Variants in CHST11 observed in about 807,000 individuals in gnomAD.
CHST11 encodes C4S-1.
CHST11 carries 9 observed loss-of-function variants against 30.4 expected under a neutral mutation model. The ratio of observed to expected loss-of-function variants is 0.30; its 90% CI spans 0.18 to 0.52. The LOEUF is 0.52. CHST11 is among the 20% of genes least tolerant of loss of function. CHST11 has a pLI of 0.97. For synonymous variants in CHST11, 152 were observed against 187.8 expected (o/e 0.81, Z 1.56); for missense variants, 348 against 460.6 (o/e 0.76, Z 2.24).
chr12:104,686,334 T>A (rs1014364876), intron 2 of CHST11, among the ~76,000 whole-genome samples: 2 of 151,608 alleles, frequency 1.3e-5, no homozygotes, highest in Non-Finnish European at 2.9e-5. Flanking sequence ...AGCGCTTGGC[T>A]GACTGATTCC....
intron 1 of CHST11, among the ~76,000 whole-genome samples, chr12:104,485,532 T>C (rs2081566277): frequency 6.6e-6 from 1 of 152,060 alleles, no homozygotes; most frequent in Admixed American, 6.5e-5. Flanking sequence ...CCGCAGAGGG[T>C]GAACTGGCCA....
chr12:104,559,694 G>A (rs2038494024), intron 1 of CHST11, among the ~76,000 whole-genome samples: 1 of 152,122 alleles, frequency 6.6e-6, no homozygotes, highest in Non-Finnish European at 1.5e-5. Context: ...AGTGAGCCAA[G>A]ATCATATCAT....
At chr12:104,607,874 G>T (rs539338358) in intron 2 of CHST11, among the ~76,000 whole-genome samples, 1 of 152,254 alleles carries the variant, frequency 6.6e-6, no homozygotes, top group East Asian at 1.9e-4. Context: ...TTATAACCTA[G>T]CTTCTCCTTT....
chr12:104,633,024 T>C (rs1340355823), intron 2 of CHST11, among the ~76,000 whole-genome samples: 1 of 152,258 alleles, frequency 6.6e-6, no homozygotes, highest in Non-Finnish European at 1.5e-5. Flanking sequence ...TCTCTCATTT[T>C]TCAGAGCATG....
At chr12:104,540,212 T>C (rs2038273854) in intron 1 of CHST11, among the ~76,000 whole-genome samples, 1 of 152,194 alleles carries the variant, frequency 6.6e-6, no homozygotes, top group Non-Finnish European at 1.5e-5. Context: ...AACCCATGAA[T>C]GTGGAACTCA....
chr12:104,674,542 T>C (rs2039722990), intron 2 of CHST11, among the ~76,000 whole-genome samples: 1 of 152,216 alleles, frequency 6.6e-6, no homozygotes, highest in Admixed American at 6.5e-5. Context: ...ACCCAGGCCC[T>C]CTTGAGTCCA....
intron 1 of CHST11, among the ~76,000 whole-genome samples, chr12:104,491,811 T>G (rs977629947): frequency 2.0e-5 from 3 of 152,074 alleles, no homozygotes; most frequent in African/African-American, 7.2e-5. Flanking sequence ...CACTTCCCAT[T>G]GCACTTGGGT....
intron 2 of CHST11, among the ~76,000 whole-genome samples, chr12:104,658,239 C>T (rs549071671): frequency 6.6e-6 from 1 of 152,358 alleles, no homozygotes; most frequent in South Asian, 2.1e-4. Context: ...TCTCACACTT[C>T]TGGAGGCTGG....
intron 1 of CHST11, among the ~76,000 whole-genome samples, chr12:104,479,228 G>GC (rs1401358874): frequency 6.6e-6 from 1 of 151,754 alleles, no homozygotes; most frequent in African/African-American, 2.4e-5. Flanking sequence ...CAGAGACCAA[G>GC]CACCCTAGCA....
intron 2 of CHST11, among the ~76,000 whole-genome samples, chr12:104,651,356 T>C (rs1315687927): frequency 6.6e-6 from 1 of 152,214 alleles, no homozygotes; most frequent in Non-Finnish European, 1.5e-5. Context: ...GCTGCTTGGA[T>C]GCATATAATG....
At chr12:104,564,882 G>T (rs2038546605) in intron 1 of CHST11, among the ~76,000 whole-genome samples, 3 of 152,226 alleles carry the variant, frequency 2.0e-5, no homozygotes, top group Admixed American at 2.0e-4. Flanking sequence ...AGGCAAGAGA[G>T]TGTGTGCAGG....
chr12:104,709,099 G>A (rs573916096), intron 2 of CHST11, among the ~76,000 whole-genome samples: 1 of 152,340 alleles, frequency 6.6e-6, no homozygotes, highest in South Asian at 2.1e-4. Flanking sequence ...TGCCTTCAGA[G>A]CAAGACAAAG....
chr12:104,641,465 T>C (rs1339544925), intron 2 of CHST11, among the ~76,000 whole-genome samples: 1 of 152,154 alleles, frequency 6.6e-6, no homozygotes, highest in Non-Finnish European at 1.5e-5. Flanking sequence ...CCCCACCTCC[T>C]GCACCCATTC....
chr12:104,748,465 T>C (rs538472793), intron 2 of CHST11, among the ~76,000 whole-genome samples: 1 of 152,002 alleles, frequency 6.6e-6, no homozygotes, highest in South Asian at 2.1e-4. Context: ...ATGAGGACTT[T>C]TGAGTGGGGC....
intron 2 of CHST11, among the ~76,000 whole-genome samples, chr12:104,718,400 C>A (rs1057466294): frequency 6.6e-6 from 1 of 152,156 alleles, no homozygotes; most frequent in African/African-American, 2.4e-5. Context: ...CAGGTGAGGA[C>A]GGAATTTCGT....
intron 2 of CHST11, among the ~76,000 whole-genome samples, chr12:104,645,901 C>T (rs2039424995): frequency 6.6e-6 from 1 of 152,240 alleles, no homozygotes; most frequent in South Asian, 2.1e-4. Flanking sequence ...CTTCCACCCT[C>T]ACCAGCTCTG....
In CHST11 at chr12:104,758,168, G is replaced by A; in HGVS notation, c.*365G>A. The A allele has an allele frequency of 5.7e-6, 1 of 174,266 alleles. No homozygotes were observed. 10.8% of individuals were successfully genotyped at this position (174,266 alleles called of 1,614,324 possible). A position where few individuals can be genotyped will look rare whatever the true frequency, so the allele number is the denominator to read the frequency against. Reference sequence around the variant, plus strand: ...GCAAAATTCTAACATCTTTCCAGAAGAAATCTATGATTCCTGCTTTGCTTG... The same window carrying A: ...GCAAAATTCTAACATCTTTCCAGAAAAAATCTATGATTCCTGCTTTGCTTG... On this transcript the variant is annotated 3_prime_UTR_variant, in exon 3 of 3. Transcript: ENST00000303694.
chr12:104,493,153 C>G (rs886102094), intron 1 of CHST11, among the ~76,000 whole-genome samples: 1 of 152,158 alleles, frequency 6.6e-6, no homozygotes, highest in Non-Finnish European at 1.5e-5. Context: ...AAAAAAAGAT[C>G]GGAAAGTGAA....
chr12:104,697,541 A>G (rs1461884053), intron 2 of CHST11, among the ~76,000 whole-genome samples: 2 of 152,174 alleles, frequency 1.3e-5, no homozygotes, highest in Non-Finnish European at 2.9e-5. Context: ...ATGACATATC[A>G]TGGGACTTCA....
Sources: allele counts gnomAD v4.1 joint callset (sites outside exome capture counted in the v4.1 genomes callset), GRCh38; gene constraint gnomAD v4.1.1; transcripts MANE v1.5; gene names NCBI Gene and HGNC (gene_info 2026-07-23, HGNC 2026-07-21).